The following DPYD variants were observed in gnomAD, a reference collection of about 807,000 sequenced individuals.
DPYD encodes the protein dihydropyrimidine dehydrogenase [NADP(+)].
DPYD carries 109 observed loss-of-function variants against 116.2 expected under a neutral mutation model. That is an observed-to-expected ratio of 0.94 (90% CI 0.80 to 1.10). The LOEUF (loss-of-function observed/expected upper bound fraction) is 1.10, where lower values mean the gene tolerates loss of function less well. Among genes scored for constraint, DPYD ranks in the 50% least tolerant of loss-of-function variants. DPYD has a pLI of 0.00. For missense variants in DPYD, 1,302 were observed against 1,254.5 expected (o/e 1.04, Z -0.57); for synonymous variants, 440 against 432.0 (o/e 1.02, Z -0.23).
At chr1:97,310,131 T>C (rs1188783251) in intron 16 of DPYD, among the ~76,000 whole-genome samples, 4 of 151,840 alleles carry the variant, frequency 2.6e-5, no homozygotes, top group Admixed American at 2.6e-4. Context: ...CATTTCAAAA[T>C]GGCTTTCTTA....
At chr1:97,717,725 T>C (rs1662691414) in intron 5 of DPYD, among the ~76,000 whole-genome samples, 1 of 151,984 alleles carries the variant, frequency 6.6e-6, no homozygotes, top group Non-Finnish European at 1.5e-5. Flanking sequence ...GTTACTTCAT[T>C]TAGAAAAATG....
intron 18 of DPYD, among the ~76,000 whole-genome samples, chr1:97,288,270 A>G (rs1190070396): frequency 2.8e-5 from 4 of 143,484 alleles, no homozygotes; most frequent in African/African-American, 5.6e-5. Flanking sequence ...AACATTAGAC[A>G]GATCAACGAG....
rs900969353 is a variant in DPYD at position 97,707,078 on chromosome 1, A to G, written c.484-7531T>C. Among the ~76,000 whole-genome samples the G allele has an allele frequency of 3.9e-5, 6 of 151,980 alleles. No homozygotes were observed. In the East Asian group the frequency reaches 9.7e-4, roughly 25 times the overall value. On this transcript the variant is annotated intron_variant, in intron 5 of 22. Transcript: ENST00000370192. The stretch of plus-strand genomic sequence containing the variant: ...TGTGTCTACGCCCCCATTTCATTCA[A>G]TTCGTATGTTGAAAACTAACCACAA...
chr1:97,464,373 A>C (rs966013869), intron 13 of DPYD, among the ~76,000 whole-genome samples: 1 of 152,250 alleles, frequency 6.6e-6, no homozygotes, highest in South Asian at 2.1e-4. Context: ...AGAAATTTGC[A>C]TAAGTAACGA....
At chr1:97,577,315 G>A (rs1214027542) in intron 10 of DPYD, among the ~76,000 whole-genome samples, 4 of 152,072 alleles carry the variant, frequency 2.6e-5, no homozygotes, top group South Asian at 2.1e-4. Flanking sequence ...CCTATGAAAC[G>A]AGTAGATGCA....
At chr1:97,812,343 C>T (rs1275007585) in intron 3 of DPYD, among the ~76,000 whole-genome samples, 2 of 152,038 alleles carry the variant, frequency 1.3e-5, no homozygotes, top group South Asian at 2.1e-4. Context: ...AAAAGATTTG[C>T]CTCATATTGT....
intron 18 of DPYD, among the ~76,000 whole-genome samples, chr1:97,298,182 G>C (rs914101490): frequency 6.6e-6 from 1 of 152,148 alleles, no homozygotes; most frequent in African/African-American, 2.4e-5. Flanking sequence ...AATGCTCGAT[G>C]ATACTAATCT....
At chr1:97,136,934 A>G (rs889979500) in intron 20 of DPYD, among the ~76,000 whole-genome samples, 2 of 152,210 alleles carry the variant, frequency 1.3e-5, no homozygotes, top group African/African-American at 4.8e-5. Flanking sequence ...AACTAAAACC[A>G]TCATATTTAC....
At chr1:97,180,173 AT>A (rs1249695350) in intron 20 of DPYD, among the ~76,000 whole-genome samples, 1 of 151,938 alleles carries the variant, frequency 6.6e-6, no homozygotes, top group African/African-American at 2.4e-5. Flanking sequence ...AGACATTTCA[AT>A]TTTTTCCCCT....
chr1:97,902,339 C>T (rs1673410312), intron 1 of DPYD, among the ~76,000 whole-genome samples: 1 of 151,766 alleles, frequency 6.6e-6, no homozygotes, highest in South Asian at 2.1e-4. Context: ...CATGACTTTA[C>T]ATTGCCTACG....
At chr1:97,718,880 C>G (rs1342452554) in intron 5 of DPYD, among the ~76,000 whole-genome samples, 1 of 151,440 alleles carries the variant, frequency 6.6e-6, no homozygotes, top group Non-Finnish European at 1.5e-5. Flanking sequence ...ATAAAATTTT[C>G]AAGGGTTATA....
At chr1:97,091,103 C>A (rs1333480857) in intron 21 of DPYD, among the ~76,000 whole-genome samples, 1 of 152,164 alleles carries the variant, frequency 6.6e-6, no homozygotes. Flanking sequence ...AACTTGAATG[C>A]ATGACTGAAA....
At chr1:97,759,782 C>A (rs1224756174) in intron 3 of DPYD, among the ~76,000 whole-genome samples, 4 of 152,066 alleles carry the variant, frequency 2.6e-5, no homozygotes, top group Non-Finnish European at 4.4e-5. Context: ...ATTTATTGAA[C>A]ATTTCCTAGA....
rs192814462 is a variant in DPYD, at chr1:97,465,778, T to C, written c.1741-15555A>G. ...TATTAGCAGCATAAAAATGGACTAATACATGTGTAAAACCAAGCTGTAGCT... is the reference window on the plus strand; with the variant it reads ...TATTAGCAGCATAAAAATGGACTAACACATGTGTAAAACCAAGCTGTAGCT... On this transcript the variant is annotated intron_variant, in intron 13 of 22. Transcript: ENST00000370192. Among the ~76,000 whole-genome samples the C allele has an allele frequency of 1.3e-3, 202 of 152,290 alleles. 1 individual carries two copies. The highest frequency in any genetic ancestry group is 1.4e-3 in the East Asian group (7 of 5,184).
chr1:97,565,703 T>C (rs1652470128), intron 11 of DPYD, among the ~76,000 whole-genome samples: 2 of 152,178 alleles, frequency 1.3e-5, no homozygotes, highest in African/African-American at 4.8e-5. Context: ...CATGTCTATT[T>C]CTCTCATTAG....
At chr1:97,162,257 T>C (rs1655968660) in intron 20 of DPYD, among the ~76,000 whole-genome samples, 1 of 152,140 alleles carries the variant, frequency 6.6e-6, no homozygotes, top group African/African-American at 2.4e-5. Flanking sequence ...TTTTAATGAT[T>C]GCCATTCTAA....
intron 6 of DPYD, among the ~76,000 whole-genome samples, chr1:97,694,909 A>G (rs1298844355): frequency 6.6e-6 from 1 of 152,226 alleles, no homozygotes; most frequent in East Asian, 1.9e-4. Flanking sequence ...ATTGAGTTTT[A>G]GTAATATATA....
chr1:97,500,839 T>C (rs1679536621), intron 13 of DPYD, among the ~76,000 whole-genome samples: 1 of 152,060 alleles, frequency 6.6e-6, no homozygotes, highest in South Asian at 2.1e-4. Context: ...GGCAGGGAGT[T>C]TTCCAGTCAT....
At chr1:97,175,776 G>A (rs1053413140) in intron 20 of DPYD, among the ~76,000 whole-genome samples, 5 of 152,128 alleles carry the variant, frequency 3.3e-5, no homozygotes, top group African/African-American at 1.2e-4. Flanking sequence ...TTAGAATCAA[G>A]TGCATCTCTT....
Sources: gnomAD v4.1 joint callset for allele counts (sites outside exome capture counted in the v4.1 genomes callset) on GRCh38, gnomAD v4.1.1 for gene constraint, MANE v1.5 for transcripts, NCBI Gene and HGNC (gene_info 2026-07-23, HGNC 2026-07-21) for gene names.